Variants in HERC1 observed in about 807,000 individuals in gnomAD.
HERC1 encodes the protein HECT and RLD domain containing E3 ubiquitin protein ligase family member 1.
Under a neutral mutation model 554.3 loss-of-function variants are expected in HERC1, and 160 were observed. The observed-to-expected ratio is 0.29, with a 90% CI of 0.25 to 0.33. HERC1 has a LOEUF of 0.33. HERC1 is among the 10% of genes least tolerant of loss of function. HERC1 has a pLI of 1.00. For synonymous variants in HERC1, 2,175 were observed against 2,131.7 expected (o/e 1.02, Z -0.56); for missense variants, 4,919 against 5,918.5 (o/e 0.83, Z 5.54).
chr15:63,727,581 G>A lies in HERC1; in HGVS notation c.3346+66C>T. 1.8e-6 allele frequency: 2 copies of A among 1,129,188 alleles called. No homozygotes were observed. The highest frequency in any genetic ancestry group is 2.6e-6 in the Non-Finnish European group (2 of 782,204). The allele number at this position is 1,129,188 out of a possible 1,614,324, so 69.9% of individuals were successfully genotyped here. A position where few individuals can be genotyped will look rare whatever the true frequency, so the allele number is the denominator to read the frequency against. ...AGATAGACTCCAATGGAAAAACACAGTGATGTGTGCAAGAGGAACAACTTT... is the reference window on the plus strand; with the variant it reads ...AGATAGACTCCAATGGAAAAACACAATGATGTGTGCAAGAGGAACAACTTT... On this transcript the variant is annotated intron_variant, in intron 17 of 77. Transcript: ENST00000443617. This position sits in a 1 kb window ranked among gnomAD's most constrained non-coding sequence, Gnocchi z 4.3.
chr15:63,725,531 A>C lies in HERC1; in HGVS notation c.3347-18T>G, dbSNP rs769576773. ...TGGCCCTCCTAAAGACAAAATCATT[A>C]GTTATTGTGTCTTTATCTGGTACTT... On this transcript the variant is annotated intron_variant, in intron 17 of 77. Coordinates refer to ENST00000443617, the MANE Select transcript of HERC1 (RefSeq NM_003922.4). 2.5e-6 allele frequency: 4 copies of C among 1,595,536 alleles called. No homozygotes were observed. Among genetic ancestry groups the C allele is most frequent in the Non-Finnish European group, 3.4e-6 (4 of 1,163,538 alleles).
Position 63,608,959 on chromosome 15 carries a change from T to C in HERC1, c.*122A>G, listed in dbSNP as rs1017699492. 6.9e-5 allele frequency: 52 copies of C among 754,408 alleles called. 1 individual carries two copies. In the African/African-American group the frequency reaches 7.4e-4, roughly 11 times the overall value. 46.7% of individuals were successfully genotyped at this position (754,408 alleles called of 1,614,324 possible). A position where few individuals can be genotyped will look rare whatever the true frequency, so the allele number is the denominator to read the frequency against. On this transcript the variant is annotated 3_prime_UTR_variant, in exon 78 of 78. Coordinates refer to ENST00000443617, the MANE Select transcript of HERC1 (RefSeq NM_003922.4). ...CATTTAGAGTAACTAAATGTGGCCA[T>C]TGTTTATAATGTTGGTTTATGTTCT...
Position 63,656,339 on chromosome 15 carries a change from C to G in HERC1, c.9619G>C (p.Ala3207Pro), listed in dbSNP as rs552753553. The G allele has an allele frequency of 6.2e-7, 1 of 1,611,740 alleles. No homozygotes were observed. The highest frequency in any genetic ancestry group is 1.3e-5 in the African/African-American group (1 of 75,040). Reference sequence around the variant, plus strand: ...AGCCCCAGAGACTCAAGACCAGCAGCCAGGCTACAACTGGAACCACTGCCA... The same window carrying G: ...AGCCCCAGAGACTCAAGACCAGCAGGCAGGCTACAACTGGAACCACTGCCA... The part of the protein sequence containing the change: ...LSVSGSSCSL[A>P]AGLESLGLTD... The change falls in exon 49 of 78, where the codon GCT becomes CCT. Residue 3207 changes from alanine (A) to proline (P), a missense_variant. By Grantham distance (27) the Ala-to-Pro change is conservative. Transcript: ENST00000443617.
At chr15:63,611,719 T>C (rs1341640183) in intron 77 of HERC1, among the ~76,000 whole-genome samples, 2 of 152,246 alleles carry the variant, frequency 1.3e-5, no homozygotes, top group Non-Finnish European at 2.9e-5. Flanking sequence ...TTGTTGGTTG[T>C]AGTATGCTCT....
chr15:63,627,558 C>T (rs899479598), intron 70 of HERC1, among the ~76,000 whole-genome samples: 7 of 151,936 alleles, frequency 4.6e-5, no homozygotes, highest in Non-Finnish European at 1.0e-4. Context: ...CCTGTAATCC[C>T]AGCTACGTGG....
chr15:63,660,071 C>A, intron 46 of HERC1, 135 bp from the exon 47 acceptor site: 1 of 739,430 alleles, frequency 1.4e-6, no homozygotes, highest in Non-Finnish European at 2.2e-6. Flanking sequence ...GTAATCCCAA[C>A]ACTCTGGGAG....
chr15:63,662,018 C>T lies in HERC1; in HGVS notation c.8905G>A (p.Val2969Ile). The T allele has an allele frequency of 1.2e-6, 2 of 1,609,768 alleles. No individual in the cohort carries two copies. The highest frequency in any genetic ancestry group is 8.5e-7 in the Non-Finnish European group (1 of 1,176,194). The change falls in exon 45 of 78, where the codon GTT becomes ATT. Residue 2969 changes from valine to isoleucine, a missense_variant. Transcript: ENST00000443617. The part of the protein sequence containing the change: ...PEVLDWPTWH[V>I]CESEDREEVV... The stretch of plus-strand genomic sequence containing the variant: ...TCTTCCCTGTCTTCAGACTCACAAA[C>T]ATGCTGCACAAAAGGATTTCATACC...
rs867995001 is a variant in HERC1, at chr15:63,786,925, T to A, written c.-26-11276A>T. 1.9e-3 allele frequency among the ~76,000 whole-genome samples: 291 copies of A among 150,444 alleles called. 4 individuals are homozygous for A. The highest frequency in any genetic ancestry group is 0.014 in the Middle Eastern group (4 of 290). On this transcript the variant is annotated intron_variant, in intron 1 of 77. Coordinates refer to ENST00000443617, the MANE Select transcript of HERC1 (RefSeq NM_003922.4). ...CTTCAACTCAATAAATTATTATTTT[T>A]TTTTTTTTTATTTTTTGAGACGGAG... is the stretch of plus-strand genomic sequence containing the variant.
At chr15:63,821,639 T>TCACCTGAGTCTTGGGAGGTC (rs1358997090) in intron 1 of HERC1, among the ~76,000 whole-genome samples, 3 of 137,592 alleles carry the variant, frequency 2.2e-5, no homozygotes, top group Non-Finnish European at 4.5e-5. Context: ...GGTGGGAGGA[T>TCACCTGAGTCTTGGGAGGTC]CACCTGAGTC....
chr15:63,649,088 C>T (rs1012505339), intron 54 of HERC1, among the ~76,000 whole-genome samples: 1 of 152,212 alleles, frequency 6.6e-6, no homozygotes, highest in Admixed American at 6.5e-5. Context: ...GGCACGGTGG[C>T]TCACGCCTGT....
chr15:63,755,988 C>A (rs1036888016), intron 5 of HERC1, among the ~76,000 whole-genome samples: 1 of 152,182 alleles, frequency 6.6e-6, no homozygotes, highest in Non-Finnish European at 1.5e-5. Flanking sequence ...TAATACCACA[C>A]CTGCCCAAGG....
intron 59 of HERC1, among the ~76,000 whole-genome samples, 177 bp from the exon 60 acceptor site, chr15:63,641,820 G>C (rs1031997845): frequency 5.9e-5 from 9 of 151,952 alleles, no homozygotes; most frequent in African/African-American, 2.2e-4. Flanking sequence ...CCTAAATTTT[G>C]TCTAAGTAAA....
chr15:63,762,509 G>A (rs1446529189), intron 3 of HERC1, among the ~76,000 whole-genome samples: 3 of 151,994 alleles, frequency 2.0e-5, no homozygotes, highest in African/African-American at 4.8e-5. Flanking sequence ...ATTTTTAATA[G>A]AGACTAGGTT....
In HERC1 at chr15:63,665,993, A is replaced by G; in HGVS notation, c.8481T>C (p.Asp2827=). Residue 2827 remains aspartate, a synonymous_variant, in exon 42 of 78, where the codon GAT becomes GAC. Coordinates refer to ENST00000443617, the MANE Select transcript of HERC1 (RefSeq NM_003922.4). The stretch of plus-strand genomic sequence containing the variant: ...CTCCAGGTGACTGCAAATAACAGGG[A>G]TCATTTGACTTCCCGCCACTGCCTA... ...AVLGSGGKSN[D]PCYLQSPGDI... 6.2e-7 allele frequency: 1 copy of G among 1,614,022 alleles called. No individual in the cohort carries two copies. The highest frequency in any genetic ancestry group is 8.5e-7 in the Non-Finnish European group (1 of 1,179,890).
Position 63,813,475 on chromosome 15 carries a change from GT to G in HERC1, c.-27+20351del, listed in dbSNP as rs533618207. ...TTTTAATCTAGGATAGTGCGAAAGG[GT>G]TTTTTTTTAATATCAACCCAAAAAA... On this transcript the variant is annotated intron_variant, in intron 1 of 77. Transcript: ENST00000443617. Among the ~76,000 whole-genome samples the G allele has an allele frequency of 6.4e-4, 96 of 150,946 alleles. 3 individuals are homozygous for G. In the South Asian group the frequency reaches 0.014, roughly 22 times the overall value.
intron 25 of HERC1, among the ~76,000 whole-genome samples, 174 bp downstream of exon 25, chr15:63,706,601 CGTTTT>C (rs2073017976): frequency 6.6e-6 from 1 of 152,038 alleles, no homozygotes. Context: ...AAATAGTCTT[CGTTTT>C]AACTCTTCTG....
intron 48 of HERC1, among the ~76,000 whole-genome samples, chr15:63,656,812 A>G (rs2070065374): frequency 6.6e-6 from 1 of 152,182 alleles, no homozygotes; most frequent in Admixed American, 6.5e-5. Context: ...AATAATTAAT[A>G]TATGTACTCT....
chr15:63,787,031 G>A (rs2076475831), intron 1 of HERC1, among the ~76,000 whole-genome samples: 1 of 150,888 alleles, frequency 6.6e-6, no homozygotes, highest in East Asian at 1.9e-4. Context: ...TAGTAGAGAT[G>A]GAGTTTCACC....
intron 10 of HERC1, 95 bp from the exon 11 acceptor site, chr15:63,747,953 CG>C: frequency 8.0e-7 from 1 of 1,251,822 alleles, no homozygotes; most frequent in Non-Finnish European, 1.1e-6. Flanking sequence ...TGGCTGGGCA[CG>C]GTGGCTCATG....
Sources: gnomAD v4.1 joint callset for allele counts (sites outside exome capture counted in the v4.1 genomes callset) on GRCh38, gnomAD v4.1.1 for gene constraint, Gnocchi (gnomAD v3.1) non-coding constraint, MANE v1.5 for transcripts, NCBI Gene and HGNC (gene_info 2026-07-23, HGNC 2026-07-21) for gene names.